Variants in RBFOX1 observed in about 807,000 individuals in gnomAD.
RBFOX1 encodes RNA binding fox-1 homolog 1.
Under a neutral mutation model 57.7 loss-of-function variants are expected in RBFOX1, and 8 were observed. The ratio of observed to expected loss-of-function variants is 0.14; its 90% confidence interval spans 0.08 to 0.25. The LOEUF (loss-of-function observed/expected upper bound fraction) is 0.25, where lower values mean the gene tolerates loss of function less well. Ranked by LOEUF, RBFOX1 falls within the 10% of genes least tolerant of loss-of-function variation. The probability of loss-of-function intolerance (pLI) is 1.00; values close to 1 mark genes in which losing one functional copy is unlikely to be tolerated. For missense variants in RBFOX1, 611 were observed against 548.5 expected (o/e 1.11, Z -1.14); for synonymous variants, 326 against 222.4 (o/e 1.47, Z -4.15).
At chr16:6,965,315 TTGTGTGTGTGTGTGTGTG>T (rs57603257) in intron 3 of RBFOX1, among the ~76,000 whole-genome samples, 11,682 of 147,516 alleles carry the variant, frequency 0.079, 564 homozygotes, top group African/African-American at 0.13. Flanking sequence ...TTTTCTTTTG[TTGTGTGTGTGTGTGTGTG>T]TGTGTGTGTG....
At chr16:5,823,493 C>T (rs541609808) in intron 3 of RBFOX1, among the ~76,000 whole-genome samples, 2 of 152,208 alleles carry the variant, frequency 1.3e-5, no homozygotes, top group African/African-American at 2.4e-5. Flanking sequence ...TGGCTGGGGT[C>T]CCCAAACCCC....
At chr16:6,590,823 G>C (rs926022479) in intron 2 of RBFOX1, among the ~76,000 whole-genome samples, 2 of 134,682 alleles carry the variant, frequency 1.5e-5, no homozygotes, top group African/African-American at 5.6e-5. Flanking sequence ...GGACAGCTCT[G>C]TCATATTGGC....
chr16:5,681,582 G>A (rs769489559), intron 3 of RBFOX1, among the ~76,000 whole-genome samples: 30 of 150,766 alleles, frequency 2.0e-4, no homozygotes, highest in Non-Finnish European at 3.5e-4. Context: ...TAGTAGAGAC[G>A]GACTTTCTCC....
intron 3 of RBFOX1, among the ~76,000 whole-genome samples, chr16:5,802,194 G>T (rs1281811689): frequency 6.6e-6 from 1 of 152,024 alleles, no homozygotes. Flanking sequence ...CAAACTTTGC[G>T]CTTTAAGCTC....
intron 2 of RBFOX1, among the ~76,000 whole-genome samples, chr16:6,540,165 A>G (rs1026091074): frequency 2.9e-4 from 44 of 152,024 alleles, no homozygotes; most frequent in African/African-American, 1.1e-3. Flanking sequence ...GGGGAATCCT[A>G]TTTGTGAATC....
chr16:6,728,498 T>A (rs1490445076), intron 3 of RBFOX1, among the ~76,000 whole-genome samples: 2 of 152,166 alleles, frequency 1.3e-5, no homozygotes, highest in Non-Finnish European at 2.9e-5. Flanking sequence ...AAAGGGAAGA[T>A]AAAGTTTTTA....
At chr16:5,790,439 A>G (rs1468899028) in intron 3 of RBFOX1, among the ~76,000 whole-genome samples, 1 of 151,864 alleles carries the variant, frequency 6.6e-6, no homozygotes, top group Non-Finnish European at 1.5e-5. Flanking sequence ...CACTCCAGAA[A>G]CAGGAGCTCA....
chr16:7,517,274 G>C (rs2076578526), intron 4 of RBFOX1, among the ~76,000 whole-genome samples: 1 of 151,476 alleles, frequency 6.6e-6, no homozygotes, highest in Admixed American at 6.6e-5. Context: ...TGTTGTGTGT[G>C]TTTTTAAAAT....
intron 1 of RBFOX1, among the ~76,000 whole-genome samples, chr16:6,279,276 A>G (rs2076142356): frequency 6.6e-6 from 1 of 152,202 alleles, no homozygotes; most frequent in South Asian, 2.1e-4. Flanking sequence ...AGCTAAGGAA[A>G]TGGCTGTTTT....
rs530022440 is a variant in RBFOX1 at position 6,521,430 on chromosome 16, C to G, written c.-63-133173C>G. Among the ~76,000 whole-genome samples, 5 of 147,974 alleles carry G rather than the reference C, an allele frequency of 3.4e-5. No individual in the cohort carries two copies. The East Asian group carries it at 1.0e-3, about 30-fold the overall frequency. On this transcript the variant is annotated intron_variant, in intron 2 of 15. Transcript: ENST00000550418. Reference sequence around the variant, plus strand: ...CCTCATTTCTTTTTTCTCTTCCTTCCCTTCCCTCCCCTCCCCTCCCGTCCC... The same window carrying G: ...CCTCATTTCTTTTTTCTCTTCCTTCGCTTCCCTCCCCTCCCCTCCCGTCCC...
chr16:7,261,227 C>A (rs1380430809), intron 4 of RBFOX1, among the ~76,000 whole-genome samples: 2 of 152,174 alleles, frequency 1.3e-5, no homozygotes, highest in South Asian at 2.1e-4. Flanking sequence ...TGAGCCTTAG[C>A]TTTCAACTTT....
intron 4 of RBFOX1, among the ~76,000 whole-genome samples, chr16:7,419,629 C>T (rs80293954): frequency 0.055 from 8,364 of 152,320 alleles, 827 homozygotes; most frequent in African/African-American, 0.19. Context: ...TTCCCCTCTC[C>T]GCAGCCCTCA....
chr16:7,709,454 T>C, intron 15 of RBFOX1: 3 of 1,415,260 alleles, frequency 2.1e-6, no homozygotes, highest in Non-Finnish European at 2.8e-6. Context: ...GAACTTTTTT[T>C]TTTCTTTTTT....
At chr16:6,895,511 C>A (rs557163444) in intron 3 of RBFOX1, among the ~76,000 whole-genome samples, 1 of 138,634 alleles carries the variant, frequency 7.2e-6, no homozygotes, top group East Asian at 2.1e-4. Context: ...GGATAACAAG[C>A]TGTCGATTCC....
intron 1 of RBFOX1, among the ~76,000 whole-genome samples, chr16:6,247,427 T>G (rs2152937699): frequency 6.6e-6 from 1 of 151,640 alleles, no homozygotes; most frequent in Admixed American, 6.6e-5. Flanking sequence ...ACATGCTGTC[T>G]TTTTCACAGA....
At chr16:7,545,625 G>T (rs2084257911) in intron 5 of RBFOX1, among the ~76,000 whole-genome samples, 1 of 152,040 alleles carries the variant, frequency 6.6e-6, no homozygotes, top group African/African-American at 2.4e-5. Context: ...TTCCACCTCT[G>T]ACCCAGTACG....
At chr16:6,711,277 C>A (rs529082404) in intron 3 of RBFOX1, among the ~76,000 whole-genome samples, 1 of 152,278 alleles carries the variant, frequency 6.6e-6, no homozygotes, top group South Asian at 2.1e-4. Flanking sequence ...CCACACGCCC[C>A]TCCCCCCATG....
intron 3 of RBFOX1, among the ~76,000 whole-genome samples, chr16:5,656,511 A>G (rs767144286): frequency 1.3e-5 from 2 of 152,208 alleles, no homozygotes; most frequent in African/African-American, 2.4e-5. Context: ...AAGTTTGGTG[A>G]TAAGAATACA....
chr16:6,677,691 G>T (rs1037475126), intron 3 of RBFOX1, among the ~76,000 whole-genome samples: 5 of 152,146 alleles, frequency 3.3e-5, no homozygotes, highest in Admixed American at 2.0e-4. Flanking sequence ...TGTATCCATA[G>T]ACATGTGAGC....
Sources: gnomAD v4.1 joint callset for allele counts (sites outside exome capture counted in the v4.1 genomes callset) on GRCh38, gnomAD v4.1.1 for gene constraint, MANE v1.5 for transcripts, NCBI Gene and HGNC (gene_info 2026-07-23, HGNC 2026-07-21) for gene names.